The following SLC9A9 variants were observed in gnomAD, a reference collection of about 807,000 sequenced individuals.
SLC9A9 encodes the protein solute carrier family 9 member A9.
SLC9A9 carries 62 observed loss-of-function variants against 77.8 expected under a neutral mutation model. The ratio of observed to expected loss-of-function variants is 0.80; its 90% CI spans 0.65 to 0.98. The LOEUF (loss-of-function observed/expected upper bound fraction) is 0.98. Among genes scored for constraint, SLC9A9 ranks in the 50% least tolerant of loss-of-function variants. SLC9A9 has a pLI of 0.00. For synonymous variants in SLC9A9, 320 were observed against 283.5 expected, an observed-to-expected ratio of 1.13 and a Z score of -1.29; for missense variants, 775 against 774.9, an observed-to-expected ratio of 1.00 and a Z score of 0.00.
intron 9 of SLC9A9, among the ~76,000 whole-genome samples, chr3:143,528,231 T>C (rs751939637): frequency 1.1e-4 from 16 of 152,202 alleles, no homozygotes; most frequent in Non-Finnish European, 2.2e-4. Context: ...GTCAGGTTAC[T>C]TTGCTTTTCT....
intron 11 of SLC9A9, among the ~76,000 whole-genome samples, chr3:143,482,487 A>G (rs1174881514): frequency 1.3e-5 from 2 of 152,140 alleles, no homozygotes; most frequent in African/African-American, 4.8e-5. Flanking sequence ...TGAATTTGAG[A>G]AACAGTGTTC....
At chr3:143,744,654 T>A (rs1313545438) in intron 4 of SLC9A9, among the ~76,000 whole-genome samples, 3 of 152,220 alleles carry the variant, frequency 2.0e-5, no homozygotes, top group African/African-American at 7.2e-5. Flanking sequence ...TGTGCTCTAA[T>A]GGTTTTAACA....
intron 4 of SLC9A9, among the ~76,000 whole-genome samples, chr3:143,742,577 C>T (rs757006220): frequency 6.6e-5 from 10 of 152,046 alleles, no homozygotes; most frequent in Non-Finnish European, 1.2e-4. Context: ...AAACAGAAAA[C>T]GTCTGAGAAA....
At chr3:143,801,015 G>A (rs1314466310) in intron 2 of SLC9A9, among the ~76,000 whole-genome samples, 1 of 152,092 alleles carries the variant, frequency 6.6e-6, no homozygotes, top group African/African-American at 2.4e-5. Flanking sequence ...TTCACCTTTG[G>A]ATACCTGGTT....
intron 14 of SLC9A9, among the ~76,000 whole-genome samples, chr3:143,299,723 G>A (rs985658031): frequency 9.2e-5 from 14 of 152,152 alleles, no homozygotes; most frequent in East Asian, 3.8e-4. Context: ...GATTACAGGC[G>A]TGAGCCACCA....
chr3:143,785,585 G>A (rs977803262), intron 4 of SLC9A9, among the ~76,000 whole-genome samples: 8 of 152,186 alleles, frequency 5.3e-5, no homozygotes, highest in African/African-American at 1.4e-4. Context: ...TAAAACAACC[G>A]TTGTCTTAAG....
chr3:143,786,075 TC>T (rs1312545341), intron 4 of SLC9A9, among the ~76,000 whole-genome samples: 4 of 151,926 alleles, frequency 2.6e-5, no homozygotes, highest in Admixed American at 2.6e-4. Flanking sequence ...CAGGATGGTC[TC>T]GATCTCCTGA....
chr3:143,517,479 T>C, intron 9 of SLC9A9: 2 of 1,598,020 alleles, frequency 1.3e-6, no homozygotes, highest in South Asian at 1.1e-5. Flanking sequence ...ACTCGTTCTG[T>C]TCTTTCTTTG....
intron 9 of SLC9A9, among the ~76,000 whole-genome samples, chr3:143,510,616 C>G (rs1411986245): frequency 6.6e-6 from 1 of 152,172 alleles, no homozygotes; most frequent in African/African-American, 2.4e-5. Flanking sequence ...GTACCCGCTT[C>G]ATATTACTAA....
At chr3:143,764,467 CTA>C (rs754718939) in intron 4 of SLC9A9, among the ~76,000 whole-genome samples, 2 of 152,322 alleles carry the variant, frequency 1.3e-5, no homozygotes, top group Admixed American at 6.5e-5. Flanking sequence ...TTTTGGAAAA[CTA>C]TTAGATGCAC....
intron 11 of SLC9A9, among the ~76,000 whole-genome samples, chr3:143,486,820 A>C (rs556280667): frequency 6.6e-6 from 1 of 152,102 alleles, no homozygotes; most frequent in Admixed American, 6.5e-5. Flanking sequence ...TAAACATTTC[A>C]CTGCAAAGAA....
At chr3:143,551,621 G>T (rs1359904263) in intron 9 of SLC9A9, among the ~76,000 whole-genome samples, 1 of 152,138 alleles carries the variant, frequency 6.6e-6, no homozygotes, top group Non-Finnish European at 1.5e-5. Flanking sequence ...ACTTTCTCCT[G>T]ACTTTCTCAA....
Position 143,363,464 on chromosome 3 carries a change from T to A in SLC9A9, c.1604+20A>T. 1 of 1,607,464 alleles carries A rather than the reference T, an allele frequency of 6.2e-7. No homozygotes were observed. The highest frequency in any genetic ancestry group is 8.5e-7 in the Non-Finnish European group (1 of 1,174,408). ...TCTGCCTGCAGCAGGATCTGTGAGA[T>A]CGTTATTATCAAAGGATACTTGTGG... On this transcript the variant is annotated intron_variant, in intron 14 of 15. Coordinates refer to ENST00000316549, the MANE Select transcript of SLC9A9 (RefSeq NM_173653.4).
chr3:143,509,415 C>T (rs542620239), intron 9 of SLC9A9, among the ~76,000 whole-genome samples: 6 of 152,176 alleles, frequency 3.9e-5, no homozygotes, highest in Middle Eastern at 3.4e-3. Flanking sequence ...TATTTTACAA[C>T]GATTAAGTTT....
chr3:143,795,292 A>C (rs996296440), intron 3 of SLC9A9, among the ~76,000 whole-genome samples: 1 of 148,324 alleles, frequency 6.7e-6, no homozygotes, highest in Non-Finnish European at 1.5e-5. Flanking sequence ...AAAAAAAAAA[A>C]AAAAAAAACC....
intron 4 of SLC9A9, among the ~76,000 whole-genome samples, chr3:143,761,615 GA>G (rs2108832527): frequency 6.6e-6 from 1 of 152,316 alleles, no homozygotes; most frequent in East Asian, 1.9e-4. Context: ...GGCCATCAGA[GA>G]AATGCAAATC....
chr3:143,397,660 A>G (rs2033759600), intron 12 of SLC9A9, among the ~76,000 whole-genome samples: 2 of 152,144 alleles, frequency 1.3e-5, no homozygotes, highest in Non-Finnish European at 2.9e-5. Context: ...GCCTAATCCC[A>G]GCTTGCCATT....
At chr3:143,659,867 G>A (rs2038954068) in intron 5 of SLC9A9, among the ~76,000 whole-genome samples, 1 of 152,184 alleles carries the variant, frequency 6.6e-6, no homozygotes, top group African/African-American at 2.4e-5. Context: ...CCCTGTGGGA[G>A]GTAATTAAAT....
In SLC9A9 at chr3:143,463,298, T is replaced by C. The variant is rs541386564; in HGVS notation, c.1469+3739A>G. Among the ~76,000 whole-genome samples, 10 of 152,330 alleles carry C rather than the reference T, an allele frequency of 6.6e-5. No homozygotes were observed. In the South Asian group the frequency reaches 2.1e-3, roughly 32 times the overall value. On this transcript the variant is annotated intron_variant, in intron 12 of 15. Transcript: ENST00000316549. ...TTGCACTGTGGTATGGGCTCCATTC[T>C]CATGAGCTATTTGCTGAAAGTTTCT...
Sources: gnomAD v4.1 joint callset for allele counts (sites outside exome capture counted in the v4.1 genomes callset) on GRCh38, gnomAD v4.1.1 for gene constraint, MANE v1.5 for transcripts, NCBI Gene and HGNC (gene_info 2026-07-23, HGNC 2026-07-21) for gene names.